SUSD4: variants seen among roughly 807,000 people sequenced by gnomAD.
SUSD4 encodes sushi domain containing 4.
A neutral mutation model predicts 50.5 loss-of-function variants in SUSD4; 41 were observed. The ratio of observed to expected loss-of-function variants is 0.81; its 90% CI spans 0.63 to 1.05. The LOEUF (loss-of-function observed/expected upper bound fraction) is 1.05. Among genes scored for constraint, SUSD4 ranks in the 50% least tolerant of loss-of-function variants. SUSD4 has a pLI of 0.00. For missense variants in SUSD4, 580 were observed against 634.7 expected (o/e 0.91, Z 0.93); for synonymous variants, 257 against 257.3 (o/e 1.00, Z 0.01).
intron 3 of SUSD4, among the ~76,000 whole-genome samples, chr1:223,271,034 A>ATATGTAACTAACCTGC (rs1662885172): frequency 6.6e-6 from 1 of 152,186 alleles, no homozygotes; most frequent in Non-Finnish European, 1.5e-5. Flanking sequence ...ACGTTTTTTC[A>ATATGTAACTAACCTGC]ATCGCACTCT....
intron 3 of SUSD4, among the ~76,000 whole-genome samples, chr1:223,287,628 C>A (rs1664230671): frequency 6.6e-6 from 1 of 152,104 alleles, no homozygotes; most frequent in Admixed American, 6.5e-5. Flanking sequence ...TTCTCAGAAC[C>A]TGCTTGTTTA....
intron 5 of SUSD4, among the ~76,000 whole-genome samples, chr1:223,250,893 C>G (rs555436239): frequency 6.6e-6 from 1 of 152,274 alleles, no homozygotes; most frequent in Non-Finnish European, 1.5e-5. Flanking sequence ...GATTCGAAGA[C>G]AGCCCTTTAA....
At chr1:223,224,012 T>A (rs1321333298) in intron 7 of SUSD4, among the ~76,000 whole-genome samples, 1 of 152,158 alleles carries the variant, frequency 6.6e-6, no homozygotes, top group Non-Finnish European at 1.5e-5. Context: ...ACCTCTGAAG[T>A]GTCCTGTAGG....
chr1:223,353,031 G>A (rs1668452318), intron 2 of SUSD4, among the ~76,000 whole-genome samples: 1 of 152,114 alleles, frequency 6.6e-6, no homozygotes, highest in Non-Finnish European at 1.5e-5. Context: ...TTTTCCTGAG[G>A]CTTCTGTGAG....
intron 2 of SUSD4, among the ~76,000 whole-genome samples, chr1:223,299,282 C>T (rs979844942): frequency 2.0e-5 from 3 of 152,160 alleles, no homozygotes; most frequent in Admixed American, 6.6e-5. Context: ...CATGCAGGCC[C>T]ATTCAAATAA....
intron 2 of SUSD4, among the ~76,000 whole-genome samples, chr1:223,358,290 G>A (rs543296579): frequency 6.6e-6 from 1 of 152,208 alleles, no homozygotes; most frequent in African/African-American, 2.4e-5. Context: ...AAGAGAGCTG[G>A]CTTTACTCAG....
intron 5 of SUSD4, among the ~76,000 whole-genome samples, chr1:223,259,758 G>A (rs749411286): frequency 6.6e-6 from 1 of 152,082 alleles, no homozygotes; most frequent in African/African-American, 2.4e-5. Flanking sequence ...AGACTGCCCC[G>A]TGTGTGTCTG....
chr1:223,314,401 A>G (rs1666057258), intron 2 of SUSD4, among the ~76,000 whole-genome samples: 1 of 152,094 alleles, frequency 6.6e-6, no homozygotes, highest in Non-Finnish European at 1.5e-5. Context: ...CACATCTAAG[A>G]CTCAGGGTAG....
chr1:223,230,691 G>C (rs1659837427), intron 5 of SUSD4: 1 of 152,234 alleles, frequency 6.6e-6, no homozygotes. Flanking sequence ...AGATCTTGTT[G>C]GTTCTTTCAG....
intron 2 of SUSD4, among the ~76,000 whole-genome samples, chr1:223,351,418 A>C (rs1252007903): frequency 6.6e-6 from 1 of 152,196 alleles, no homozygotes; most frequent in Admixed American, 6.5e-5. Flanking sequence ...GGAGAGCAAA[A>C]GGCTCCATGC....
intron 4 of SUSD4, among the ~76,000 whole-genome samples, chr1:223,265,164 G>T (rs1251577086): frequency 2.6e-5 from 4 of 152,178 alleles, no homozygotes; most frequent in African/African-American, 9.7e-5. Flanking sequence ...TAAAACACCA[G>T]TACCTGGGCC....
At chr1:223,230,355 AC>A (rs1254002057) in intron 5 of SUSD4, among the ~76,000 whole-genome samples, 2 of 151,652 alleles carry the variant, frequency 1.3e-5, no homozygotes, top group African/African-American at 2.4e-5. Flanking sequence ...CCAACTTCAA[AC>A]CCACACTCAC....
In SUSD4 at chr1:223,304,793, CATATATATATATATATATATATAT is replaced by C. The variant is rs57599818; in HGVS notation, c.149-12166_149-12143del. Reference sequence around the variant, plus strand: ...TTAACCTCTCTGTGTCTCAGGTTTCCATATATATATATATATATATATATATATATATATATATATATATATATA... The same window carrying C: ...TTAACCTCTCTGTGTCTCAGGTTTCCATATATATATATATATATATATATA... On this transcript the variant is annotated intron_variant, in intron 2 of 8. Transcript: ENST00000366878. 2.8e-3 allele frequency among the ~76,000 whole-genome samples: 150 copies of C among 53,592 alleles called. 1 individual carries two copies. Among genetic ancestry groups the C allele is most frequent in the African/African-American group, 4.1e-3 (31 of 7,532 alleles). 35.2% of individuals were successfully genotyped at this position (53,592 alleles called of 152,430 possible).
chr1:223,362,984 A>T (rs1669082167), intron 2 of SUSD4, among the ~76,000 whole-genome samples: 1 of 127,074 alleles, frequency 7.9e-6, no homozygotes, highest in Non-Finnish European at 1.6e-5. Context: ...AAGTGGGAAT[A>T]ATGGGCCAGG....
At chr1:223,261,964 T>C (rs1662153502) in intron 5 of SUSD4, among the ~76,000 whole-genome samples, 1 of 152,174 alleles carries the variant, frequency 6.6e-6, no homozygotes, top group Non-Finnish European at 1.5e-5. Flanking sequence ...ATAGAGGCTA[T>C]GTGACTTGCC....
intron 2 of SUSD4, among the ~76,000 whole-genome samples, chr1:223,339,266 G>C (rs2103294826): frequency 6.6e-6 from 1 of 152,274 alleles, no homozygotes; most frequent in South Asian, 2.1e-4. Flanking sequence ...GGAACGATGG[G>C]GGTGGAACCA....
rs770818766 is a variant in SUSD4, at chr1:223,223,343, T to C, written c.1350A>G (p.Gln450=). ...LQSLYSPPRC[Q]ESTHPASDNP... ...TGTCCGAAGCAGGGTGGGTGCTCTC[T>C]TGGCACCTGGGAGGTGAATACAGAC... The change falls in exon 8 of 9, where the codon CAA becomes CAG. Residue 450 remains glutamine, a synonymous_variant. Transcript: ENST00000366878. 7 of 1,612,268 alleles carry C rather than the reference T, an allele frequency of 4.3e-6. No individual in the cohort carries two copies. The highest frequency in any genetic ancestry group is 5.9e-6 in the Non-Finnish European group (7 of 1,179,200).
At chr1:223,239,836 TA>T (rs1406652070) in intron 5 of SUSD4, among the ~76,000 whole-genome samples, 1 of 152,096 alleles carries the variant, frequency 6.6e-6, no homozygotes, top group East Asian at 1.9e-4. Flanking sequence ...ATAAGAAAAA[TA>T]AAAGTTTTAA....
At chr1:223,276,146 GA>G (rs1481384704) in intron 3 of SUSD4, among the ~76,000 whole-genome samples, 1 of 152,208 alleles carries the variant, frequency 6.6e-6, no homozygotes, top group Non-Finnish European at 1.5e-5. Flanking sequence ...CATAATTCTG[GA>G]TAGTTTCAGT....
Sources: gnomAD v4.1 joint callset for allele counts (sites outside exome capture counted in the v4.1 genomes callset) on GRCh38, gnomAD v4.1.1 for gene constraint, MANE v1.5 for transcripts, NCBI Gene and HGNC (gene_info 2026-07-23, HGNC 2026-07-21) for gene names.